The following CCDC15 variants were observed in gnomAD, a reference collection of about 807,000 sequenced individuals.
CCDC15 encodes the protein coiled-coil domain containing 15.
In CCDC15, 105 loss-of-function variants were observed where a neutral mutation model predicts 114.5. That is an observed-to-expected ratio of 0.92 (90% CI 0.78 to 1.08). The LOEUF (loss-of-function observed/expected upper bound fraction) is 1.08, where lower values mean the gene tolerates loss of function less well. Among genes scored for constraint, CCDC15 ranks in the 50% least tolerant of loss-of-function variants. The probability of loss-of-function intolerance (pLI) is 0.00; values close to 1 mark genes in which losing one functional copy is unlikely to be tolerated. For synonymous variants in CCDC15, 334 were observed against 377.8 expected (o/e 0.88, Z 1.34); for missense variants, 1,105 against 1,093.6 (o/e 1.01, Z -0.15).
intron 6 of CCDC15, among the ~76,000 whole-genome samples, chr11:124,981,863 C>T (rs185384731): frequency 2.2e-4 from 33 of 152,262 alleles, no homozygotes; most frequent in Admixed American, 7.2e-4. Context: ...TCAAGTGATC[C>T]GCCCACCTCA....
chr11:125,037,922 T>TTG (rs201881284), intron 13 of CCDC15, among the ~76,000 whole-genome samples: 1,889 of 118,416 alleles, frequency 0.016, 12 homozygotes, highest in African/African-American at 0.036. Flanking sequence ...GAAAAACTGT[T>TTG]TTTTTTTTTT....
chr11:124,974,920 A>C (rs1277053851), intron 4 of CCDC15, among the ~76,000 whole-genome samples, 176 bp from the exon 5 acceptor site: 1 of 152,240 alleles, frequency 6.6e-6, no homozygotes, highest in Non-Finnish European at 1.5e-5. Flanking sequence ...TAGAATAATG[A>C]CAATAATGTT....
intron 4 of CCDC15, among the ~76,000 whole-genome samples, chr11:124,965,507 T>C (rs193124185): frequency 0.015 from 2,212 of 152,286 alleles, 55 homozygotes; most frequent in African/African-American, 0.05. Context: ...TCATTTTTTA[T>C]TGTGTCTATT....
At chr11:124,982,523 T>C (rs1016128123) in intron 6 of CCDC15, among the ~76,000 whole-genome samples, 3 of 152,178 alleles carry the variant, frequency 2.0e-5, no homozygotes, top group African/African-American at 7.2e-5. Context: ...CTGAAAAATA[T>C]CTTATTTCTT....
intron 11 of CCDC15, among the ~76,000 whole-genome samples, chr11:125,002,504 C>T (rs998970427): frequency 6.6e-6 from 1 of 152,036 alleles, no homozygotes; most frequent in Non-Finnish European, 1.5e-5. Flanking sequence ...GACTCCTATG[C>T]GTTCCTCTAA....
chr11:125,039,256 T>C, intron 15 of CCDC15, 187 bp downstream of exon 15: 1 of 465,874 alleles, frequency 2.1e-6, no homozygotes. Context: ...TTGAGATCTG[T>C]TATCTTCTTG....
At position 124,977,530 on chromosome 11, in the gene CCDC15, G is replaced by A. The variant is rs1412145305; in HGVS notation, c.683G>A (p.Gly228Glu). The A allele has an allele frequency of 1.9e-6, 3 of 1,607,506 alleles. No individual in the cohort carries two copies. The highest frequency in any genetic ancestry group is 2.7e-5 in the African/African-American group (2 of 74,616). Residue 228 changes from glycine (G) to glutamate (E), a missense_variant, in exon 6 of 16, where the codon GGA becomes GAA. By Grantham distance (98) the Gly-to-Glu change is moderately conservative. Coordinates refer to ENST00000344762, the MANE Select transcript of CCDC15 (RefSeq NM_025004.3). ...ACTGGGATAAATACAGGAATAAGAGGAGAGTTGCCCATTAAGGTCCATCAA... is the reference window on the plus strand; with the variant it reads ...ACTGGGATAAATACAGGAATAAGAGAAGAGTTGCCCATTAAGGTCCATCAA... ...ASTGINTGIR[G>E]ELPIKVHQGL...
chr11:125,005,947 T>G (rs1473188711), intron 13 of CCDC15, among the ~76,000 whole-genome samples: 1 of 152,216 alleles, frequency 6.6e-6, no homozygotes, highest in Non-Finnish European at 1.5e-5. Flanking sequence ...GTATCACAGT[T>G]TAGTTATTCA....
At chr11:124,996,497 G>A (rs1379669290) in intron 11 of CCDC15, among the ~76,000 whole-genome samples, 1 of 152,020 alleles carries the variant, frequency 6.6e-6, no homozygotes, top group African/African-American at 2.4e-5. Context: ...CTCTTTATAA[G>A]CATTTATACA....
At chr11:125,010,821 C>G (rs1038749613) in intron 13 of CCDC15, among the ~76,000 whole-genome samples, 2 of 152,046 alleles carry the variant, frequency 1.3e-5, no homozygotes, top group African/African-American at 4.8e-5. Flanking sequence ...TCAATTTTTG[C>G]TTTTGTTGCA....
intron 11 of CCDC15, among the ~76,000 whole-genome samples, chr11:125,000,108 C>T (rs1241197663): frequency 6.6e-6 from 1 of 151,942 alleles, no homozygotes; most frequent in African/African-American, 2.4e-5. Flanking sequence ...AGTAATCCAC[C>T]CGCCTTGGCC....
At chr11:124,968,485 G>A (rs1038876444) in intron 4 of CCDC15, among the ~76,000 whole-genome samples, 2 of 152,212 alleles carry the variant, frequency 1.3e-5, no homozygotes, top group Non-Finnish European at 2.9e-5. Context: ...TAATCTCTTG[G>A]TGTGCCATTT....
intron 13 of CCDC15, among the ~76,000 whole-genome samples, chr11:125,031,665 T>C (rs7951936): frequency 0.2 from 30,898 of 152,136 alleles, 3,741 homozygotes; most frequent in African/African-American, 0.34. Flanking sequence ...GAGGCCTTTG[T>C]TGTGATTCAC....
chr11:124,968,153 A>G lies in CCDC15; in HGVS notation c.517-6943A>G, dbSNP rs897003326. Among the ~76,000 whole-genome samples the G allele has an allele frequency of 2.0e-5, 3 of 152,296 alleles. No homozygotes were observed. The East Asian group carries it at 5.8e-4, about 29-fold the overall frequency. On this transcript the variant is annotated intron_variant, in intron 4 of 15. Coordinates refer to ENST00000344762, the MANE Select transcript of CCDC15 (RefSeq NM_025004.3). ...GCAGTATGTCCGTTCTCAGAGCTCA[A>G]ACTTCATGCTGGGAGAACCACTGCT...
intron 9 of CCDC15, among the ~76,000 whole-genome samples, 193 bp from the exon 10 acceptor site, chr11:124,992,386 TC>T (rs1277222711): frequency 6.6e-6 from 1 of 152,224 alleles, no homozygotes; most frequent in Non-Finnish European, 1.5e-5. Context: ...GACTATTCTG[TC>T]AATGATGGGA....
intron 4 of CCDC15, among the ~76,000 whole-genome samples, chr11:124,968,801 A>G (rs921346519): frequency 6.6e-6 from 1 of 152,052 alleles, no homozygotes; most frequent in African/African-American, 2.4e-5. Context: ...GGACCCCCCA[A>G]TTCTTTTTAT....
intron 13 of CCDC15, among the ~76,000 whole-genome samples, chr11:125,034,762 G>C (rs1948764839): frequency 6.6e-6 from 1 of 152,072 alleles, no homozygotes; most frequent in African/African-American, 2.4e-5. Flanking sequence ...TAGAAGTAGA[G>C]TCCTTAACAT....
intron 4 of CCDC15, among the ~76,000 whole-genome samples, chr11:124,974,703 G>A (rs1342425728): frequency 6.6e-6 from 1 of 152,154 alleles, no homozygotes; most frequent in Non-Finnish European, 1.5e-5. Flanking sequence ...AAGCAATTAA[G>A]CATATATGGA....
chr11:125,013,938 A>G (rs541649574), intron 13 of CCDC15, among the ~76,000 whole-genome samples: 1 of 152,348 alleles, frequency 6.6e-6, no homozygotes, highest in African/African-American at 2.4e-5. Flanking sequence ...TGCAGTAACA[A>G]AATTGGAGAC....
Sources: allele counts gnomAD v4.1 joint callset (sites outside exome capture counted in the v4.1 genomes callset), GRCh38; gene constraint gnomAD v4.1.1; transcripts MANE v1.5; gene names NCBI Gene and HGNC (gene_info 2026-07-23, HGNC 2026-07-21).